The following PIK3R3 variants were observed in gnomAD, a reference collection of about 807,000 sequenced individuals.
PIK3R3 encodes the protein phosphatidylinositol 3-kinase regulatory subunit gamma.
PIK3R3 carries 64 observed loss-of-function variants against 62.9 expected under a neutral mutation model. That is an observed-to-expected ratio of 1.02 (90% CI 0.83 to 1.25). The LOEUF is 1.25. Among genes scored for constraint, PIK3R3 ranks in the 50% most tolerant of loss-of-function variants. The pLI is 0.00. For synonymous variants in PIK3R3, 165 were observed against 189.0 expected (o/e 0.87, Z 1.04); for missense variants, 614 against 561.6 (o/e 1.09, Z -0.94).
At chr1:46,119,902 C>G (rs147996253) in intron 1 of PIK3R3, among the ~76,000 whole-genome samples, 2 of 151,836 alleles carry the variant, frequency 1.3e-5, no homozygotes, top group Admixed American at 1.3e-4. Flanking sequence ...CTCAGCCTCC[C>G]AAGTAGCTGG....
the PIK3R3 span, among the ~76,000 whole-genome samples, chr1:46,139,528 A>G: frequency 6.6e-6 from 1 of 152,092 alleles, no homozygotes. Flanking sequence ...GCTGGTCTTG[A>G]ACTCCTGACC....
chr1:46,105,745 C>T (rs1653140754), intron 1 of PIK3R3, among the ~76,000 whole-genome samples: 1 of 150,206 alleles, frequency 6.7e-6, no homozygotes, highest in Non-Finnish European at 1.5e-5. Flanking sequence ...CGCTTGAACC[C>T]CGGGGCTGGG....
chr1:46,152,932 T>C, the PIK3R3 span, among the ~76,000 whole-genome samples: 1 of 152,214 alleles, frequency 6.6e-6, no homozygotes, highest in African/African-American at 2.4e-5. Context: ...TGGGCTCTCT[T>C]TATTTGTTCA....
Position 46,129,860 on chromosome 1 carries a change from G to A in PIK3R3, c.106+1987C>T, listed in dbSNP as rs184281258. Among the ~76,000 whole-genome samples the A allele has an allele frequency of 2.0e-3, 305 of 152,204 alleles. 1 individual carries two copies. The highest frequency in any genetic ancestry group is 3.7e-3 in the Non-Finnish European group (252 of 67,984). ...TTAAAGCTACAAAAGGGGTAATAAA[G>A]AACAGCATATGTATTTTTCAGTATT... is the stretch of plus-strand genomic sequence containing the variant. On this transcript the variant is annotated intron_variant, in intron 1 of 9. Coordinates refer to ENST00000262741, the MANE Select transcript of PIK3R3 (RefSeq NM_003629.4).
chr1:46,126,218 A>G (rs1179329403), intron 1 of PIK3R3, among the ~76,000 whole-genome samples: 1 of 151,888 alleles, frequency 6.6e-6, no homozygotes, highest in East Asian at 1.9e-4. Flanking sequence ...AGTAGACTCA[A>G]TGCAGCAGCA....
At chr1:46,140,945 T>G in the PIK3R3 span, among the ~76,000 whole-genome samples, 1 of 152,090 alleles carries the variant, frequency 6.6e-6, no homozygotes, top group African/African-American at 2.4e-5. Context: ...ACTGGAGCCT[T>G]GAACTCCCAG....
chr1:46,109,358 T>A (rs1653521127), intron 1 of PIK3R3, among the ~76,000 whole-genome samples: 1 of 152,186 alleles, frequency 6.6e-6, no homozygotes, highest in African/African-American at 2.4e-5. Flanking sequence ...GTTGTCTCAA[T>A]AGCAAAGTCC....
rs1031388121 is a variant in PIK3R3, at chr1:46,045,617, C to CTTTTTT, written c.1187+295_1187+300dup. On this transcript the variant is annotated intron_variant, in intron 9 of 9. Coordinates refer to ENST00000262741, the MANE Select transcript of PIK3R3 (RefSeq NM_003629.4). ...TAGGATACTACTAAACAATTAAGTGCTTTTTTTTTTTTTTTTTTTTTTTTT... is the reference window on the plus strand; with the variant it reads ...TAGGATACTACTAAACAATTAAGTGCTTTTTTTTTTTTTTTTTTTTTTTTTTTTTTT... 7.1e-4 allele frequency among the ~76,000 whole-genome samples: 15 copies of CTTTTTT among 21,204 alleles called. 3 individuals carry two copies. Among genetic ancestry groups the CTTTTTT allele is most frequent in the East Asian group, 2.6e-3 (1 of 378 alleles). The allele number at this position is 21,204 out of a possible 152,430, so 13.9% of individuals were successfully genotyped here.
In PIK3R3 at chr1:46,132,388, A is replaced by G. The variant is rs1655694249; in HGVS notation, c.-436T>C. 8.9e-7 allele frequency: 1 copy of G among 1,127,792 alleles called. No homozygotes were observed. The highest frequency in any genetic ancestry group is 4.6e-5 in the Admixed American group (1 of 21,582). The allele number at this position is 1,127,792 out of a possible 1,614,324, so 69.9% of individuals were successfully genotyped here. A position where few individuals can be genotyped will look rare whatever the true frequency, so the allele number is the denominator to read the frequency against. ...GTTGGGAGAAACCCGGGCAAGTGAC[A>G]AAGGAAGGCAAAAAAGGGGGCTGGA... On this transcript the variant is annotated 5_prime_UTR_variant, in exon 1 of 10. Coordinates refer to ENST00000262741, the MANE Select transcript of PIK3R3 (RefSeq NM_003629.4).
chr1:46,083,751 G>C (rs1433739822), intron 1 of PIK3R3, among the ~76,000 whole-genome samples: 1 of 152,088 alleles, frequency 6.6e-6, no homozygotes. Flanking sequence ...CACCCACTAG[G>C]ATGACTATAA....
At chr1:46,149,679 C>A in the PIK3R3 span, among the ~76,000 whole-genome samples, 2 of 151,954 alleles carry the variant, frequency 1.3e-5, no homozygotes, top group African/African-American at 2.4e-5. Flanking sequence ...TACAGGCATG[C>A]ACCACCACAC....
chr1:46,129,073 G>GA lies in PIK3R3; in HGVS notation c.106+2773dup, dbSNP rs763565444. Reference sequence around the variant, plus strand: ...GCAACAGAGTGAGACTCTGCCTCAGGAAAAAAAAAAAAAGAAGAAGAAGTG... The same window carrying GA: ...GCAACAGAGTGAGACTCTGCCTCAGGAAAAAAAAAAAAAAGAAGAAGAAGTG... On this transcript the variant is annotated intron_variant, in intron 1 of 9. Transcript: ENST00000262741. Among the ~76,000 whole-genome samples the GA allele has an allele frequency of 7.5e-3, 1,009 of 135,256 alleles. 4 individuals are homozygous for GA. The highest frequency in any genetic ancestry group is 9.3e-3 in the Non-Finnish European group (578 of 62,388). 88.7% of individuals were successfully genotyped at this position (135,256 alleles called of 152,430 possible). A position where few individuals can be genotyped will look rare whatever the true frequency, so the allele number is the denominator to read the frequency against.
intron 9 of PIK3R3, among the ~76,000 whole-genome samples, chr1:46,045,618 T>TG: frequency 7.0e-5 from 6 of 85,788 alleles, no homozygotes; most frequent in African/African-American, 1.4e-4. Context: ...AATTAAGTGC[T>TG]TTTTTTTTTT....
the PIK3R3 span, among the ~76,000 whole-genome samples, chr1:46,168,273 T>C: frequency 6.6e-6 from 1 of 152,198 alleles, no homozygotes; most frequent in Non-Finnish European, 1.5e-5. Context: ...AGTCCAAGCC[T>C]CTCTTTTAGC....
chr1:46,130,307 T>C (rs1239908719), intron 1 of PIK3R3, among the ~76,000 whole-genome samples: 1 of 152,206 alleles, frequency 6.6e-6, no homozygotes, highest in African/African-American at 2.4e-5. Flanking sequence ...TAAATTTCTA[T>C]TCATATGTAT....
chr1:46,167,373 C>G, the PIK3R3 span, among the ~76,000 whole-genome samples: 2 of 152,166 alleles, frequency 1.3e-5, no homozygotes, highest in African/African-American at 2.4e-5. Context: ...GAAGCTACTG[C>G]AAGGAGGGGG....
chr1:46,132,304 G>A lies in PIK3R3; in HGVS notation c.-352C>T, dbSNP rs74072313. 3.2e-3 allele frequency: 3,570 copies of A among 1,108,620 alleles called. 84 individuals are homozygous for A. In the African/African-American group the frequency reaches 0.056, roughly 17 times the overall value. 68.7% of individuals were successfully genotyped at this position (1,108,620 alleles called of 1,614,324 possible). A position where few individuals can be genotyped will look rare whatever the true frequency, so the allele number is the denominator to read the frequency against. ...GCTCCCACCGCCTCCAAATCTTTCC[G>A]CGGAAGCCACTTTTGTGTCCTTCGA... On this transcript the variant is annotated 5_prime_UTR_variant, in exon 1 of 10. Transcript: ENST00000262741.
the PIK3R3 span, among the ~76,000 whole-genome samples, chr1:46,157,565 G>A: frequency 6.6e-6 from 1 of 152,164 alleles, no homozygotes. Flanking sequence ...CAGCCTTTTG[G>A]AATGATTATG....
chr1:46,058,053 T>C (rs1648103353), intron 6 of PIK3R3, among the ~76,000 whole-genome samples: 2 of 152,322 alleles, frequency 1.3e-5, no homozygotes, highest in African/African-American at 4.8e-5. Context: ...CTGAGCTGTG[T>C]GCAGCCTAGA....
Sources: allele counts gnomAD v4.1 joint callset (sites outside exome capture counted in the v4.1 genomes callset), GRCh38; gene constraint gnomAD v4.1.1; transcripts MANE v1.5; gene names NCBI Gene and HGNC (gene_info 2026-07-23, HGNC 2026-07-21).